Variants in SNTG1 observed in about 807,000 individuals in gnomAD.
SNTG1 encodes syntrophin gamma 1, also known as gamma-1-syntrophin.
SNTG1 carries 39 observed loss-of-function variants against 74.7 expected under a neutral mutation model. The observed-to-expected ratio is 0.52, with a 90% CI of 0.40 to 0.68. The LOEUF is 0.68. Among genes scored for constraint, SNTG1 ranks in the 30% least tolerant of loss-of-function variants. The probability of loss-of-function intolerance (pLI) is 0.00; values close to 1 mark genes in which losing one functional copy is unlikely to be tolerated. For missense variants in SNTG1, 685 were observed against 609.5 expected, an observed-to-expected ratio of 1.12 and a Z score of -1.30; for synonymous variants, 254 against 217.1, an observed-to-expected ratio of 1.17 and a Z score of -1.49.
rs1432620946 is a variant in SNTG1, at chr8:50,001,312, C to T, written c.-103+89081C>T. ...AGATGAGGATCCTGTCTTCAGGTGT[C>T]GGCTGAAACAAACAGTAAACTCTTT... On this transcript the variant is annotated intron_variant, in intron 1 of 18. Transcript: ENST00000642720. 2.6e-5 allele frequency among the ~76,000 whole-genome samples: 4 copies of T among 152,122 alleles called. No homozygotes were observed. In the East Asian group the frequency reaches 7.7e-4, roughly 29 times the overall value.
At chr8:50,471,431 A>G (rs2131747104) in intron 8 of SNTG1, among the ~76,000 whole-genome samples, 1 of 152,320 alleles carries the variant, frequency 6.6e-6, no homozygotes, top group East Asian at 1.9e-4. Context: ...CTACAACCTT[A>G]TTAGAATGGC....
chr8:50,517,616 CAAAAA>C (rs1161724778), intron 9 of SNTG1, among the ~76,000 whole-genome samples: 39 of 62,356 alleles, frequency 6.3e-4, no homozygotes, highest in Admixed American at 1.8e-3. Context: ...AAATGGAAAG[CAAAAA>C]AAAAAAAAAA....
chr8:49,929,557 G>A (rs1045966804), intron 1 of SNTG1, among the ~76,000 whole-genome samples: 2 of 152,126 alleles, frequency 1.3e-5, no homozygotes, highest in Non-Finnish European at 2.9e-5. Context: ...GAGTGAGGCC[G>A]GAAGGACGCA....
intron 2 of SNTG1, among the ~76,000 whole-genome samples, chr8:50,195,745 G>T (rs564485633): frequency 3.9e-5 from 6 of 152,222 alleles, no homozygotes; most frequent in African/African-American, 1.4e-4. Flanking sequence ...TGGAGAGAAG[G>T]GTCTCCCTTT....
chr8:50,323,205 C>G (rs542005421), intron 2 of SNTG1, among the ~76,000 whole-genome samples: 2 of 151,292 alleles, frequency 1.3e-5, no homozygotes, highest in South Asian at 4.2e-4. Flanking sequence ...TTATTTCAAT[C>G]TCTTTGTTAA....
intron 17 of SNTG1, among the ~76,000 whole-genome samples, chr8:50,713,053 C>T (rs901078248): frequency 5.9e-5 from 9 of 152,112 alleles, no homozygotes; most frequent in African/African-American, 2.2e-4. Context: ...ATTTCTGGTT[C>T]TAGGTCCTTG....
At chr8:50,695,215 A>G (rs1563754015) in intron 15 of SNTG1, among the ~76,000 whole-genome samples, 2 of 151,828 alleles carry the variant, frequency 1.3e-5, no homozygotes, top group Non-Finnish European at 2.9e-5. Flanking sequence ...ACACACACAC[A>G]CAAAAAAAAC....
chr8:50,669,515 C>A (rs1288340538), intron 15 of SNTG1, among the ~76,000 whole-genome samples: 1 of 152,100 alleles, frequency 6.6e-6, no homozygotes, highest in Non-Finnish European at 1.5e-5. Context: ...TCTGAATAGA[C>A]CAATAACAGG....
chr8:50,468,134 TAA>T (rs1337588185), intron 8 of SNTG1, among the ~76,000 whole-genome samples: 1 of 152,054 alleles, frequency 6.6e-6, no homozygotes, highest in Non-Finnish European at 1.5e-5. Context: ...GTATATTCTA[TAA>T]AAGTCTATTA....
At chr8:50,107,195 T>C (rs2080405391) in intron 1 of SNTG1, among the ~76,000 whole-genome samples, 1 of 152,328 alleles carries the variant, frequency 6.6e-6, no homozygotes, top group South Asian at 2.1e-4. Context: ...TAAATATCTT[T>C]ACCTTTTATA....
At chr8:50,017,181 C>A (rs960737121) in intron 1 of SNTG1, among the ~76,000 whole-genome samples, 2 of 152,004 alleles carry the variant, frequency 1.3e-5, no homozygotes, top group Non-Finnish European at 2.9e-5. Context: ...AGGTCAATAT[C>A]TTTCTGTTTG....
At chr8:50,376,756 T>TATATATAGAGAGAGAGAGAGAG (rs1381048539) in intron 2 of SNTG1, among the ~76,000 whole-genome samples, 13 of 89,962 alleles carry the variant, frequency 1.4e-4, no homozygotes, top group South Asian at 1.3e-3. Flanking sequence ...TATATATATA[T>TATATATAGAGAGAGAGAGAGAG]AGAGAGAGAG....
At chr8:50,217,913 G>A (rs2084872842) in intron 2 of SNTG1, among the ~76,000 whole-genome samples, 2 of 152,076 alleles carry the variant, frequency 1.3e-5, no homozygotes, top group South Asian at 4.1e-4. Flanking sequence ...AAAAGAAGAA[G>A]GCATATCAGC....
intron 9 of SNTG1, among the ~76,000 whole-genome samples, chr8:50,505,682 A>G (rs933104843): frequency 2.0e-5 from 3 of 152,124 alleles, no homozygotes; most frequent in Non-Finnish European, 4.4e-5. Context: ...CAAGTCTACT[A>G]TCCAGTTTTA....
At chr8:50,664,563 T>G (rs1348261143) in intron 15 of SNTG1, among the ~76,000 whole-genome samples, 2 of 152,142 alleles carry the variant, frequency 1.3e-5, no homozygotes. Context: ...TGTAAACCAG[T>G]GTCTATGGGA....
chr8:50,192,444 T>C (rs1187515559), intron 2 of SNTG1, among the ~76,000 whole-genome samples: 3 of 152,154 alleles, frequency 2.0e-5, no homozygotes, highest in Non-Finnish European at 4.4e-5. Context: ...TTGTTGGCCA[T>C]CTGTATATCT....
chr8:50,053,100 A>G (rs1244991247), intron 1 of SNTG1, among the ~76,000 whole-genome samples: 2 of 152,162 alleles, frequency 1.3e-5, no homozygotes, highest in African/African-American at 4.8e-5. Context: ...AGATAAATGA[A>G]CACACATTAA....
Position 50,752,321 on chromosome 8 carries a change from A to C in SNTG1, c.1395+210A>C, listed in dbSNP as rs61294617. Among the ~76,000 whole-genome samples the C allele has an allele frequency of 2.8e-3, 432 of 152,102 alleles. 1 individual carries two copies. The highest frequency in any genetic ancestry group is 0.01 in the African/African-American group (417 of 41,542). Reference sequence around the variant, plus strand: ...GCAGCACTTAAAATAAATTACACAAAACTAATTGCATTTCTTAGTTTTAAT... The same window carrying C: ...GCAGCACTTAAAATAAATTACACAACACTAATTGCATTTCTTAGTTTTAAT... On this transcript the variant is annotated intron_variant, in intron 18 of 18. Transcript: ENST00000642720.
intron 1 of SNTG1, among the ~76,000 whole-genome samples, chr8:50,125,027 T>G (rs2081097723): frequency 7.0e-6 from 1 of 142,058 alleles, no homozygotes; most frequent in Non-Finnish European, 1.6e-5. Context: ...AAGCCATACC[T>G]GAAAGCACTG....
Sources: gnomAD v4.1 joint callset for allele counts (sites outside exome capture counted in the v4.1 genomes callset) on GRCh38, gnomAD v4.1.1 for gene constraint, MANE v1.5 for transcripts, NCBI Gene and HGNC (gene_info 2026-07-23, HGNC 2026-07-21) for gene names.